RIMS2: variants seen among roughly 807,000 people sequenced by gnomAD.
RIMS2 encodes regulating synaptic membrane exocytosis 2.
Under a neutral mutation model 174.4 loss-of-function variants are expected in RIMS2, and 59 were observed. That is an observed-to-expected ratio of 0.34 (90% CI 0.27 to 0.42). RIMS2 has a LOEUF of 0.42. Among genes scored for constraint, RIMS2 ranks in the 10% least tolerant of loss-of-function variants. The pLI, the probability that RIMS2 is intolerant of heterozygous loss-of-function variation, is 1.00. For missense variants in RIMS2, 1,620 were observed against 1,666.3 expected, an observed-to-expected ratio of 0.97 and a Z score of 0.48; for synonymous variants, 606 against 572.5, an observed-to-expected ratio of 1.06 and a Z score of -0.84.
chr8:103,575,400 A>G (rs762121900), intron 1 of RIMS2, among the ~76,000 whole-genome samples: 1 of 152,124 alleles, frequency 6.6e-6, no homozygotes, highest in Non-Finnish European at 1.5e-5. Context: ...TGAACATATG[A>G]TACCATATGA....
intron 2 of RIMS2, among the ~76,000 whole-genome samples, chr8:103,711,174 C>T (rs1317866717): frequency 2.6e-5 from 4 of 152,230 alleles, no homozygotes; most frequent in African/African-American, 9.6e-5. Flanking sequence ...GTACATTCCT[C>T]AGCCTTACCT....
intron 19 of RIMS2, among the ~76,000 whole-genome samples, chr8:104,207,097 T>TC (rs2099083843): frequency 6.6e-6 from 1 of 152,134 alleles, no homozygotes; most frequent in African/African-American, 2.4e-5. Flanking sequence ...AAAACAGGCT[T>TC]CTTTTTTTAC....
At chr8:104,163,658 A>T (rs2098778559) in intron 19 of RIMS2, among the ~76,000 whole-genome samples, 1 of 152,208 alleles carries the variant, frequency 6.6e-6, no homozygotes, top group Non-Finnish European at 1.5e-5. Flanking sequence ...ATACAGTGGA[A>T]AAGTGGAATC....
chr8:103,533,843 A>G (rs931940362), intron 1 of RIMS2, among the ~76,000 whole-genome samples: 4 of 152,172 alleles, frequency 2.6e-5, no homozygotes, highest in African/African-American at 4.8e-5. Flanking sequence ...TATTTGAATC[A>G]TCATGTGTTA....
intron 1 of RIMS2, among the ~76,000 whole-genome samples, chr8:103,517,524 T>C (rs1563609197): frequency 6.6e-6 from 1 of 152,186 alleles, no homozygotes; most frequent in Non-Finnish European, 1.5e-5. Context: ...TTTTAAAAAC[T>C]GAATCACTTT....
At chr8:103,736,507 C>G (rs904434038) in intron 2 of RIMS2, among the ~76,000 whole-genome samples, 1 of 152,094 alleles carries the variant, frequency 6.6e-6, no homozygotes, top group East Asian at 1.9e-4. Context: ...GGACACAAAA[C>G]TATATTCTGG....
chr8:104,063,850 G>A (rs2097053140), intron 19 of RIMS2, among the ~76,000 whole-genome samples: 1 of 152,116 alleles, frequency 6.6e-6, no homozygotes, highest in Non-Finnish European at 1.5e-5. Context: ...ATTGCTCTAG[G>A]ACTCCAGGGG....
chr8:103,981,128 AC>A (rs768608312), intron 16 of RIMS2, among the ~76,000 whole-genome samples: 2 of 152,100 alleles, frequency 1.3e-5, no homozygotes, highest in Non-Finnish European at 2.9e-5. Context: ...CTTGGGCAAG[AC>A]CCAATGCTGT....
chr8:103,505,855 T>G (rs1351976795), intron 1 of RIMS2, among the ~76,000 whole-genome samples: 1 of 152,170 alleles, frequency 6.6e-6, no homozygotes, highest in Non-Finnish European at 1.5e-5. Flanking sequence ...TAAAAAAATT[T>G]GGTTACAGCC....
chr8:104,173,207 C>T (rs570206981), intron 19 of RIMS2, among the ~76,000 whole-genome samples: 1 of 152,270 alleles, frequency 6.6e-6, no homozygotes, highest in African/African-American at 2.4e-5. Flanking sequence ...AAATTTAATA[C>T]TCATACGTTA....
intron 14 of RIMS2, among the ~76,000 whole-genome samples, chr8:103,943,960 C>A (rs1027213100): frequency 1.3e-5 from 2 of 152,014 alleles, no homozygotes; most frequent in Non-Finnish European, 2.9e-5. Context: ...ATGGATCACA[C>A]CCTTCTGCTG....
chr8:104,094,515 A>G (rs1010144999), intron 19 of RIMS2: 10 of 697,006 alleles, frequency 1.4e-5, no homozygotes, highest in Non-Finnish European at 2.6e-5. Flanking sequence ...AGAAGGGGAT[A>G]AGCATGAAGA....
intron 19 of RIMS2, among the ~76,000 whole-genome samples, chr8:104,208,841 A>G (rs143265168): frequency 2.5e-3 from 374 of 152,332 alleles, no homozygotes; most frequent in African/African-American, 8.3e-3. Flanking sequence ...CCAGCCTGAT[A>G]GACACTTTTA....
At chr8:103,806,351 A>G (rs2098649829) in intron 3 of RIMS2, among the ~76,000 whole-genome samples, 1 of 152,176 alleles carries the variant, frequency 6.6e-6, no homozygotes, top group Non-Finnish European at 1.5e-5. Flanking sequence ...CTTAGAAACT[A>G]TAACACTAAC....
chr8:103,736,326 A>G (rs1455909842), intron 2 of RIMS2, among the ~76,000 whole-genome samples: 1 of 152,202 alleles, frequency 6.6e-6, no homozygotes, highest in Admixed American at 6.5e-5. Context: ...TTTGACATCA[A>G]AGTCCCATGG....
intron 16 of RIMS2, among the ~76,000 whole-genome samples, chr8:103,980,687 G>A (rs2093822963): frequency 6.6e-6 from 1 of 152,136 alleles, no homozygotes; most frequent in African/African-American, 2.4e-5. Context: ...GGCCCAGAGG[G>A]GAGCCTATTG....
chr8:103,737,950 G>A (rs2097708136), intron 2 of RIMS2, among the ~76,000 whole-genome samples: 1 of 151,978 alleles, frequency 6.6e-6, no homozygotes, highest in South Asian at 2.1e-4. Context: ...TGATTATTTT[G>A]TTTATATGTC....
At chr8:104,129,446 GTTAA>G (rs1205686041) in intron 19 of RIMS2, among the ~76,000 whole-genome samples, 1 of 152,224 alleles carries the variant, frequency 6.6e-6, no homozygotes, top group Non-Finnish European at 1.5e-5. Context: ...CACTGTAGGC[GTTAA>G]TTGTCTGCAC....
chr8:104,187,990 C>T (rs2098976935), intron 19 of RIMS2, among the ~76,000 whole-genome samples: 1 of 151,704 alleles, frequency 6.6e-6, no homozygotes, highest in Non-Finnish European at 1.5e-5. Context: ...CTCATGAACC[C>T]TTCACCTAGC....
Sources: allele counts gnomAD v4.1 joint callset (sites outside exome capture counted in the v4.1 genomes callset), GRCh38; gene constraint gnomAD v4.1.1; transcripts MANE v1.5; gene names NCBI Gene and HGNC (gene_info 2026-07-23, HGNC 2026-07-21).